Variants in ARSG observed in about 807,000 individuals in gnomAD.
ARSG encodes ASG.
In ARSG, 37 loss-of-function variants were observed where a neutral mutation model predicts 50.5. That is an observed-to-expected ratio of 0.73 (90% CI 0.56 to 0.96). ARSG has a LOEUF of 0.96. Ranked by LOEUF, ARSG falls within the 50% of genes least tolerant of loss-of-function variation. ARSG has a pLI of 0.00. For synonymous variants in ARSG, 225 were observed against 254.6 expected, an observed-to-expected ratio of 0.88 and a Z score of 1.11; for missense variants, 629 against 675.3, an observed-to-expected ratio of 0.93 and a Z score of 0.76.
chr17:68,437,787 T>C, the ARSG span, among the ~76,000 whole-genome samples: 91 of 152,004 alleles, frequency 6.0e-4, no homozygotes, highest in East Asian at 0.016. Context: ...AAGCTGTTTT[T>C]ATTTATAAGG....
chr17:68,362,377 G>T (rs1176746101), intron 6 of ARSG, among the ~76,000 whole-genome samples: 1 of 152,102 alleles, frequency 6.6e-6, no homozygotes, highest in Non-Finnish European at 1.5e-5. Context: ...GTGAGTGAGA[G>T]AATAAACTAA....
chr17:68,442,662 A>G, the ARSG span, among the ~76,000 whole-genome samples: 2 of 152,050 alleles, frequency 1.3e-5, no homozygotes, highest in African/African-American at 2.4e-5. Flanking sequence ...TCCCTCCCCA[A>G]ATCCCTGAAG....
chr17:68,328,163 A>G (rs2077580570), intron 2 of ARSG, among the ~76,000 whole-genome samples: 1 of 152,098 alleles, frequency 6.6e-6, no homozygotes, highest in African/African-American at 2.4e-5. Context: ...CCAGAGTTCC[A>G]TCCACTCACA....
intron 11 of ARSG, among the ~76,000 whole-genome samples, chr17:68,412,677 G>A (rs1356948476): frequency 6.6e-6 from 1 of 152,108 alleles, no homozygotes; most frequent in Non-Finnish European, 1.5e-5. Context: ...TGCCTTGCTA[G>A]ATTGGGGAAG....
Position 68,391,933 on chromosome 17 carries a change from G to A in ARSG, c.1092-3140G>A, listed in dbSNP as rs141627509. 2.7e-3 allele frequency among the ~76,000 whole-genome samples: 407 copies of A among 152,320 alleles called. 1 individual carries two copies. The highest frequency in any genetic ancestry group is 9.2e-3 in the African/African-American group (383 of 41,572). ...CAATGGAGAGATTCTGCCTGGGGTTGTAGGTAGAGCCCTGGAGAGGAGAAG... is the reference window on the plus strand; with the variant it reads ...CAATGGAGAGATTCTGCCTGGGGTTATAGGTAGAGCCCTGGAGAGGAGAAG... On this transcript the variant is annotated intron_variant, in intron 9 of 11. Coordinates refer to ENST00000621439, the MANE Select transcript of ARSG (RefSeq NM_001267727.2).
At position 68,420,272 on chromosome 17, in the gene ARSG, G is replaced by A. The variant is rs758304459; in HGVS notation, c.1387G>A (p.Ala463Thr). Residue 463 changes from alanine to threonine, a missense_variant, in exon 12 of 12, where the codon GCA (alanine) becomes ACA (threonine). Transcript: ENST00000621439. ...GATTTTCAACCTGGAAGACGATACCGCAGAAGCTGTGCCCCTAGAAAGAGG... is the reference window on the plus strand; with the variant it reads ...GATTTTCAACCTGGAAGACGATACCACAGAAGCTGTGCCCCTAGAAAGAGG... ...PLIFNLEDDT[A>T]EAVPLERGGA... 2.9e-5 allele frequency: 47 copies of A among 1,613,996 alleles called. No homozygotes were observed. Among genetic ancestry groups the A allele is most frequent in the Non-Finnish European group, 3.6e-5 (42 of 1,180,038 alleles).
chr17:68,440,426 G>A, the ARSG span, among the ~76,000 whole-genome samples: 2 of 152,104 alleles, frequency 1.3e-5, no homozygotes, highest in South Asian at 4.1e-4. Context: ...GGAAGGATAT[G>A]GGCTTTAAAA....
At chr17:68,280,764 C>G (rs1218386582) in intron 1 of ARSG, among the ~76,000 whole-genome samples, 1 of 152,106 alleles carries the variant, frequency 6.6e-6, no homozygotes, top group African/African-American at 2.4e-5. Flanking sequence ...AGAGCACACA[C>G]AACAAAAGCA....
At chr17:68,277,050 A>T (rs1039440295) in intron 1 of ARSG, among the ~76,000 whole-genome samples, 1 of 152,164 alleles carries the variant, frequency 6.6e-6, no homozygotes, top group East Asian at 1.9e-4. Flanking sequence ...ATCTCCTTGT[A>T]CACATCTCAT....
rs144631983 is a variant in ARSG at position 68,368,609 on chromosome 17, G to A, written c.766G>A (p.Val256Met). The A allele has an allele frequency of 2.6e-4, 419 of 1,614,194 alleles. 2 individuals carry two copies. The Middle Eastern group carries it at 9.6e-3, about 37-fold the overall frequency. ...GGCCCACATGCACGTGCCCTTACCT[G>A]TGACTCAGCTACCAGCAGCGCCACG... is the stretch of plus-strand genomic sequence containing the variant. Reference protein sequence around the residue: ...ALAHMHVPLPVTQLPAAPRGR... With the variant: ...ALAHMHVPLPMTQLPAAPRGR... Residue 256 changes from valine to methionine, a missense_variant, in exon 7 of 12, where the codon GTG becomes ATG. Val to Met is a conservative substitution (Grantham distance 21). Coordinates refer to ENST00000621439, the MANE Select transcript of ARSG (RefSeq NM_001267727.2).
chr17:68,391,547 A>G (rs1303220283), intron 9 of ARSG, among the ~76,000 whole-genome samples: 4 of 152,184 alleles, frequency 2.6e-5, no homozygotes, highest in Non-Finnish European at 4.4e-5. Flanking sequence ...GGAAAAAGAA[A>G]GTACACAATA....
At chr17:68,436,265 G>T in the ARSG span, 2 of 870,152 alleles carry the variant, frequency 2.3e-6, no homozygotes, top group African/African-American at 1.7e-5. Flanking sequence ...CAACTCCCCA[G>T]TATTGCTTAC....
chr17:68,451,653 ATTC>A, the ARSG span, among the ~76,000 whole-genome samples: 6 of 152,324 alleles, frequency 3.9e-5, no homozygotes, highest in East Asian at 5.8e-4. Flanking sequence ...CTGCTTCAGA[ATTC>A]TTCTTGTCCT....
chr17:68,270,722 C>G (rs576557835), intron 1 of ARSG: 1 of 907,654 alleles, frequency 1.1e-6, no homozygotes, highest in South Asian at 1.8e-5. Flanking sequence ...CCTGGCAGCT[C>G]TAAAATTCAA....
chr17:68,344,469 T>C (rs2078417335), intron 3 of ARSG, among the ~76,000 whole-genome samples: 1 of 152,276 alleles, frequency 6.6e-6, no homozygotes, highest in African/African-American at 2.4e-5. Context: ...AAAACATTTT[T>C]TTAGGCATCT....
chr17:68,273,825 GA>G, intron 1 of ARSG: 1 of 1,389,348 alleles, frequency 7.2e-7, no homozygotes. Context: ...AAGAAAAAAA[GA>G]AAGAGAAAGA....
At position 68,392,532 on chromosome 17, in the gene ARSG, C is replaced by T. The variant is rs182916491; in HGVS notation, c.1092-2541C>T. Among the ~76,000 whole-genome samples, 69 of 152,280 alleles carry T rather than the reference C, an allele frequency of 4.5e-4. 3 individuals carry two copies. The East Asian group carries it at 0.013, about 29-fold the overall frequency. ...ATTTATTTTTGGAGACAGAGTCTTGCTCTTTCACCCAGGCTGGAGTGCAGT... is the reference window on the plus strand; with the variant it reads ...ATTTATTTTTGGAGACAGAGTCTTGTTCTTTCACCCAGGCTGGAGTGCAGT... On this transcript the variant is annotated intron_variant, in intron 9 of 11. Coordinates refer to ENST00000621439, the MANE Select transcript of ARSG (RefSeq NM_001267727.2).
chr17:68,325,282 A>G (rs2077459938), intron 2 of ARSG, among the ~76,000 whole-genome samples: 1 of 151,992 alleles, frequency 6.6e-6, no homozygotes, highest in Non-Finnish European at 1.5e-5. Context: ...CATGTTCCTT[A>G]TAAGAATCTA....
chr17:68,354,428 G>A (rs1218939583), intron 5 of ARSG, among the ~76,000 whole-genome samples: 10 of 144,106 alleles, frequency 6.9e-5, no homozygotes, highest in East Asian at 2.1e-4. Flanking sequence ...AAAAAAAAAA[G>A]AAAAAAAGAA....
Sources: gnomAD v4.1 joint callset for allele counts (sites outside exome capture counted in the v4.1 genomes callset) on GRCh38, gnomAD v4.1.1 for gene constraint, MANE v1.5 for transcripts, NCBI Gene and HGNC (gene_info 2026-07-23, HGNC 2026-07-21) for gene names.